Variants in SCAMP1 observed in about 807,000 individuals in gnomAD.
SCAMP1 encodes the protein secretory carrier-associated membrane protein 1.
SCAMP1 carries 15 observed loss-of-function variants against 41.8 expected under a neutral mutation model. The ratio of observed to expected loss-of-function variants is 0.36; its 90% confidence interval spans 0.24 to 0.55. The LOEUF is 0.55. Ranked by LOEUF, SCAMP1 falls within the 20% of genes least tolerant of loss-of-function variation. The pLI, the probability that SCAMP1 is intolerant of heterozygous loss-of-function variation, is 0.86. For synonymous variants in SCAMP1, 135 were observed against 136.8 expected, an observed-to-expected ratio of 0.99 and a Z score of 0.09; for missense variants, 341 against 412.6, an observed-to-expected ratio of 0.83 and a Z score of 1.50.
chr5:78,365,124 T>C (rs1750761109), intron 1 of SCAMP1, among the ~76,000 whole-genome samples: 1 of 152,132 alleles, frequency 6.6e-6, no homozygotes, highest in Non-Finnish European at 1.5e-5. Flanking sequence ...AGTAAGAGCT[T>C]AATGTATAGT....
chr5:78,470,548 T>C (rs1327879021), intron 8 of SCAMP1, among the ~76,000 whole-genome samples: 3 of 152,200 alleles, frequency 2.0e-5, no homozygotes, highest in Non-Finnish European at 4.4e-5. Context: ...TATACTACAT[T>C]GTTTATCTGT....
At chr5:78,458,947 G>T (rs1028720768) in intron 7 of SCAMP1, among the ~76,000 whole-genome samples, 1 of 152,188 alleles carries the variant, frequency 6.6e-6, no homozygotes, top group Non-Finnish European at 1.5e-5. Context: ...AAAATGTACA[G>T]TCTGGAATTA....
At chr5:78,379,298 C>T (rs986393545) in intron 1 of SCAMP1, among the ~76,000 whole-genome samples, 1 of 152,132 alleles carries the variant, frequency 6.6e-6, no homozygotes, top group Non-Finnish European at 1.5e-5. Context: ...ACTTAGTAGG[C>T]GTCAATATCA....
chr5:78,375,289 T>G (rs1751039089), intron 1 of SCAMP1, among the ~76,000 whole-genome samples: 1 of 152,194 alleles, frequency 6.6e-6, no homozygotes, highest in African/African-American at 2.4e-5. Context: ...ATTTCTTTAT[T>G]GCATTTTCTT....
At chr5:78,443,146 G>C (rs1378044993) in intron 6 of SCAMP1, among the ~76,000 whole-genome samples, 1 of 139,860 alleles carries the variant, frequency 7.2e-6, no homozygotes, top group Non-Finnish European at 1.5e-5. Context: ...CCTGGAGGCA[G>C]AGCTTGCAGT....
chr5:78,388,061 C>T lies in SCAMP1; in HGVS notation c.58-776C>T, dbSNP rs1751389005. Among the ~76,000 whole-genome samples the T allele has an allele frequency of 1.3e-5, 2 of 152,302 alleles. 1 individual carries two copies. The highest frequency in any genetic ancestry group is 4.1e-4 in the South Asian group (2 of 4,824). On this transcript the variant is annotated intron_variant, in intron 1 of 8. Coordinates refer to ENST00000621999, the MANE Select transcript of SCAMP1 (RefSeq NM_004866.6). ...GTCCCAGGAACCTGCAGCAGCAATC[C>T]ACCTTCTTCAAAGGGTCTGTGGATT...
At chr5:78,375,033 G>A (rs770877292) in intron 1 of SCAMP1, among the ~76,000 whole-genome samples, 10 of 151,998 alleles carry the variant, frequency 6.6e-5, no homozygotes, top group Admixed American at 3.9e-4. Context: ...CCAGGTGAGT[G>A]AATTTGTTAG....
At chr5:78,404,110 T>C (rs1406455830) in intron 2 of SCAMP1, among the ~76,000 whole-genome samples, 4 of 75,690 alleles carry the variant, frequency 5.3e-5, no homozygotes, top group Non-Finnish European at 1.1e-4. Context: ...AGTGAGACCC[T>C]GTCTCAAAAA....
intron 1 of SCAMP1, among the ~76,000 whole-genome samples, chr5:78,379,423 T>G (rs1402329701): frequency 6.6e-6 from 1 of 152,236 alleles, no homozygotes; most frequent in Non-Finnish European, 1.5e-5. Flanking sequence ...ATGTAATAAT[T>G]CAGAGATATC....
chr5:78,376,127 A>T (rs1445762505), intron 1 of SCAMP1, among the ~76,000 whole-genome samples: 3 of 152,056 alleles, frequency 2.0e-5, no homozygotes, highest in Non-Finnish European at 4.4e-5. Flanking sequence ...CCGATATGTG[A>T]TGTCATCCCT....
At chr5:78,363,268 A>G (rs557864700) in intron 1 of SCAMP1, among the ~76,000 whole-genome samples, 4 of 150,182 alleles carry the variant, frequency 2.7e-5, no homozygotes, top group African/African-American at 9.8e-5. Flanking sequence ...GTTGGAGTGC[A>G]GTGGCGCGAT....
chr5:78,464,787 G>A (rs1561288798), intron 8 of SCAMP1, among the ~76,000 whole-genome samples: 1 of 152,056 alleles, frequency 6.6e-6, no homozygotes, highest in Admixed American at 6.5e-5. Context: ...CATACTCTGG[G>A]CCCTATGCAG....
intron 1 of SCAMP1, among the ~76,000 whole-genome samples, chr5:78,363,391 A>G (rs1043764424): frequency 6.6e-6 from 1 of 151,148 alleles, no homozygotes; most frequent in African/African-American, 2.4e-5. Flanking sequence ...TTGTATTTTT[A>G]GTAGAGACGG....
rs1431324529 is a variant in SCAMP1 at position 78,452,274 on chromosome 5, G to A, written c.734+2240G>A. ...ATGTATACATGTGCCATGCTGGTGC[G>A]CTGCACCCACTAACTCGTCATCTAG... On this transcript the variant is annotated intron_variant, in intron 7 of 8. Coordinates refer to ENST00000621999, the MANE Select transcript of SCAMP1 (RefSeq NM_004866.6). 3.4e-5 allele frequency among the ~76,000 whole-genome samples: 5 copies of A among 147,272 alleles called. No homozygotes were observed. In the East Asian group the frequency reaches 6.0e-4, roughly 18 times the overall value.
chr5:78,375,098 A>G (rs1490917074), intron 1 of SCAMP1, among the ~76,000 whole-genome samples: 3 of 152,030 alleles, frequency 2.0e-5, no homozygotes, highest in South Asian at 2.1e-4. Context: ...AGTAGGGGAA[A>G]AATTGAACTC....
chr5:78,370,510 C>T (rs1233157881), intron 1 of SCAMP1: 2 of 152,208 alleles, frequency 1.3e-5, no homozygotes, highest in Non-Finnish European at 2.9e-5. Context: ...GAGAGCAATC[C>T]AGTAATCCCC....
At position 78,418,779 on chromosome 5, in the gene SCAMP1, A is replaced by G. The variant is rs913322472; in HGVS notation, c.348A>G (p.Arg116=). The change falls in exon 5 of 9, where the codon AGA becomes AGG. Residue 116 remains arginine (R), a synonymous_variant. Transcript: ENST00000621999. The part of the protein sequence containing the change: ...REMQNLSQHG[R]KNNWPPLPSN... The stretch of plus-strand genomic sequence containing the variant: ...TTTTCTAAAAAAAATTTACAGGTAG[A>G]AAAAATAATTGGCCACCTCTTCCTA... The G allele has an allele frequency of 2.0e-6, 3 of 1,521,526 alleles. No homozygotes were observed. The highest frequency in any genetic ancestry group is 2.7e-6 in the Non-Finnish European group (3 of 1,132,028). The allele number at this position is 1,521,526 out of a possible 1,614,324, so 94.3% of individuals were successfully genotyped here.
chr5:78,382,814 TGTGTGC>T (rs1407779897), intron 1 of SCAMP1, among the ~76,000 whole-genome samples: 758 of 55,634 alleles, frequency 0.014, 3 homozygotes, highest in Admixed American at 0.018. Flanking sequence ...TGTGTGTGTG[TGTGTGC>T]GCCACATTTT....
intron 2 of SCAMP1, among the ~76,000 whole-genome samples, chr5:78,396,602 G>GC (rs1751657384): frequency 6.6e-6 from 1 of 152,146 alleles, no homozygotes; most frequent in Admixed American, 6.5e-5. Context: ...GGAATCATTG[G>GC]CCCTTAGATG....
Sources: gnomAD v4.1 joint callset for allele counts (sites outside exome capture counted in the v4.1 genomes callset) on GRCh38, gnomAD v4.1.1 for gene constraint, MANE v1.5 for transcripts, NCBI Gene and HGNC (gene_info 2026-07-23, HGNC 2026-07-21) for gene names.